TMX1: variants seen among roughly 807,000 people sequenced by gnomAD.
TMX1 encodes thioredoxin related transmembrane protein 1.
TMX1 carries 25 observed loss-of-function variants against 36.6 expected under a neutral mutation model. That is an observed-to-expected ratio of 0.68 (90% confidence interval 0.50 to 0.95). The LOEUF (loss-of-function observed/expected upper bound fraction) is 0.95. TMX1 is among the 40% of genes least tolerant of loss of function. TMX1 has a pLI of 0.00. For synonymous variants in TMX1, 133 were observed against 118.0 expected, an observed-to-expected ratio of 1.13 and a Z score of -0.82; for missense variants, 347 against 339.6, an observed-to-expected ratio of 1.02 and a Z score of -0.17.
In TMX1 at chr14:51,254,447, A is replaced by G. The variant is rs1293589794; in HGVS notation, c.771A>G (p.Thr257=). ...SEEEAESKEG[T]NKDFPQNAIR... ...AAGAAGCTGAAAGTAAAGAAGGAAC[A>G]AACAAAGACTTTCCACAGAATGCCA... The change falls in exon 8 of 8, where the codon ACA becomes ACG. Residue 257 remains threonine (T), a synonymous_variant. Coordinates refer to ENST00000457354, the MANE Select transcript of TMX1 (RefSeq NM_030755.5). The G allele has an allele frequency of 6.2e-7, 1 of 1,612,296 alleles. No homozygotes were observed. Among genetic ancestry groups the G allele is most frequent in the East Asian group, 2.2e-5 (1 of 44,724 alleles).
intron 3 of TMX1, chr14:51,245,696 G>T (rs553532084): frequency 8.2e-6 from 3 of 365,328 alleles, no homozygotes; most frequent in African/African-American, 6.3e-5. Context: ...CAGTTACCTG[G>T]ATTGGTTCCC....
intron 1 of TMX1, among the ~76,000 whole-genome samples, chr14:51,240,927 T>C (rs570227001): frequency 6.6e-6 from 1 of 152,330 alleles, no homozygotes; most frequent in East Asian, 1.9e-4. Flanking sequence ...TTTGGCGCTT[T>C]TAAGCTTTTT....
chr14:51,254,247 C>T (rs980065424), intron 7 of TMX1, 94 bp from the exon 8 acceptor site: 3 of 1,047,486 alleles, frequency 2.9e-6, no homozygotes, highest in East Asian at 2.9e-5. Flanking sequence ...TATGCCAAAG[C>T]AGTTTTGGGG....
Position 51,247,016 on chromosome 14 carries a change from T to G in TMX1, c.315-76T>G, listed in dbSNP as rs1049453306. 21 of 1,334,062 alleles carry G rather than the reference T, an allele frequency of 1.6e-5. No homozygotes were observed. The Middle Eastern group carries it at 3.0e-3, about 191-fold the overall frequency. 82.6% of individuals were successfully genotyped at this position (1,334,062 alleles called of 1,614,324 possible). ...TTGAATGTTAGAATTGACTGTAAAGTGAAGTGAAAAAATAGCAAAATAAAT... is the reference window on the plus strand; with the variant it reads ...TTGAATGTTAGAATTGACTGTAAAGGGAAGTGAAAAAATAGCAAAATAAAT... On this transcript the variant is annotated intron_variant, in intron 3 of 7. Coordinates refer to ENST00000457354, the MANE Select transcript of TMX1 (RefSeq NM_030755.5).
At position 51,257,415 on chromosome 14, in the gene TMX1, A is replaced by G. The variant is rs2065843476; in HGVS notation, c.*2896A>G. On this transcript the variant is annotated 3_prime_UTR_variant, in exon 8 of 8. Transcript: ENST00000457354. ...GTAGTTCATCCCCATGGTCAATTTAAGGTAGAGTTCTTACAATATATTACT... is the reference window on the plus strand; with the variant it reads ...GTAGTTCATCCCCATGGTCAATTTAGGGTAGAGTTCTTACAATATATTACT... 1 of 152,166 alleles carries G rather than the reference A, an allele frequency of 6.6e-6. No homozygotes were observed. The highest frequency in any genetic ancestry group is 1.9e-4 in the East Asian group (1 of 5,194). 9.4% of individuals were successfully genotyped at this position (152,166 alleles called of 1,614,324 possible). A position where few individuals can be genotyped will look rare whatever the true frequency, so the allele number is the denominator to read the frequency against.
At chr14:51,247,478 T>C (rs1165546452) in intron 4 of TMX1, among the ~76,000 whole-genome samples, 1 of 147,466 alleles carries the variant, frequency 6.8e-6, no homozygotes, top group African/African-American at 2.5e-5. Context: ...TGCCTCAGCC[T>C]CCCGAGTAGC....
intron 7 of TMX1, among the ~76,000 whole-genome samples, chr14:51,251,366 T>C (rs919068494): frequency 6.6e-5 from 10 of 152,240 alleles, no homozygotes; most frequent in Non-Finnish European, 1.5e-5. Context: ...TTGTATTAAA[T>C]GCCTTTTTGA....
chr14:51,252,662 C>T lies in TMX1; in HGVS notation c.665-1679C>T, dbSNP rs1366455577. 2.0e-5 allele frequency among the ~76,000 whole-genome samples: 3 copies of T among 152,068 alleles called. No homozygotes were observed. In the East Asian group the frequency reaches 5.8e-4, roughly 29 times the overall value. Reference sequence around the variant, plus strand: ...AGACTTTAAAGTGATATTGCCATGCCCCTTCCGTAATGGAACACATGATTT... The same window carrying T: ...AGACTTTAAAGTGATATTGCCATGCTCCTTCCGTAATGGAACACATGATTT... On this transcript the variant is annotated intron_variant, in intron 7 of 7. Transcript: ENST00000457354.
chr14:51,245,602 GGT>G, intron 3 of TMX1: 1 of 905,814 alleles, frequency 1.1e-6, no homozygotes, highest in Non-Finnish European at 1.6e-6. Flanking sequence ...CTTGTGAAAT[GGT>G]GTGATCCTGT....
intron 7 of TMX1, among the ~76,000 whole-genome samples, chr14:51,250,743 G>A (rs995824903): frequency 1.3e-5 from 2 of 152,074 alleles, no homozygotes; most frequent in South Asian, 2.1e-4. Flanking sequence ...CGCCAGCCTC[G>A]GCCTCCCAAA....
intron 1 of TMX1, among the ~76,000 whole-genome samples, chr14:51,241,880 A>C (rs2065763285): frequency 6.6e-6 from 1 of 152,252 alleles, no homozygotes; most frequent in Non-Finnish European, 1.5e-5. Flanking sequence ...CTGTAATCCC[A>C]GCACTTTGGG....
chr14:51,247,277 A>G (rs145116687), intron 4 of TMX1, 57 bp downstream of exon 4: 2 of 1,545,696 alleles, frequency 1.3e-6, no homozygotes, highest in Non-Finnish European at 1.7e-6. Flanking sequence ...ACAGATAATT[A>G]TATTTTATGT....
At chr14:51,247,352 A>ATTTT (rs35852707) in intron 4 of TMX1, 132 bp downstream of exon 4, 81 of 301,124 alleles carry the variant, frequency 2.7e-4, no homozygotes, top group South Asian at 5.6e-4. Flanking sequence ...TACATGTTTG[A>ATTTT]TTTTTTTTTT....
At position 51,240,338 on chromosome 14, in the gene TMX1, C is replaced by A; in HGVS notation, c.46C>A (p.Leu16Met). 1 of 1,613,810 alleles carries A rather than the reference C, an allele frequency of 6.2e-7. No homozygotes were observed. Among genetic ancestry groups the A allele is most frequent in the South Asian group, 1.1e-5 (1 of 91,078 alleles). The change falls in exon 1 of 8, where the codon CTG (leucine) becomes ATG (methionine). Residue 16 changes from leucine (L) to methionine (M), a missense_variant. By Grantham distance (15) the Leu-to-Met change is conservative. Transcript: ENST00000457354. Reference sequence around the variant, plus strand: ...TGCAGTTCCCCTGGCAGTCCTGGTGCTGTTGCTTTGGGGTGCTCCCTGGAC... The same window carrying A: ...TGCAGTTCCCCTGGCAGTCCTGGTGATGTTGCTTTGGGGTGCTCCCTGGAC... ...SLAVPLAVLVLLLWGAPWTHG... is the reference protein window; with the variant it reads ...SLAVPLAVLVMLLWGAPWTHG...
rs1336417326 is a variant in TMX1 at position 51,254,449 on chromosome 14, A to C, written c.773A>C (p.Asn258Thr). 1.9e-6 allele frequency: 3 copies of C among 1,612,190 alleles called. No homozygotes were observed. The highest frequency in any genetic ancestry group is 2.5e-6 in the Non-Finnish European group (3 of 1,179,350). Residue 258 changes from asparagine (N) to threonine (T), a missense_variant, in exon 8 of 8, where the codon AAC becomes ACC. Physicochemically the swap from Asn to Thr is moderately conservative, Grantham distance 65 (BLOSUM62 0). Coordinates refer to ENST00000457354, the MANE Select transcript of TMX1 (RefSeq NM_030755.5). ...EEEAESKEGTNKDFPQNAIRQ... is the reference protein window; with the variant it reads ...EEEAESKEGTTKDFPQNAIRQ... The stretch of plus-strand genomic sequence containing the variant: ...GAAGCTGAAAGTAAAGAAGGAACAA[A>C]CAAAGACTTTCCACAGAATGCCATA...
At chr14:51,250,158 G>A (rs2065804996) in intron 7 of TMX1, among the ~76,000 whole-genome samples, 1 of 152,164 alleles carries the variant, frequency 6.6e-6, no homozygotes, top group Non-Finnish European at 1.5e-5. Flanking sequence ...TTTTCTGGTA[G>A]GATATTGGGA....
chr14:51,249,788 A>AT (rs772217101), intron 7 of TMX1, 23 bp downstream of exon 7: 8 of 1,553,618 alleles, frequency 5.1e-6, no homozygotes, highest in African/African-American at 1.4e-5. Context: ...TAAAATGTTT[A>AT]TTTTTTATTC....
At chr14:51,247,281 T>C in intron 4 of TMX1, 61 bp downstream of exon 4, 1 of 1,550,136 alleles carries the variant, frequency 6.5e-7, no homozygotes, top group Non-Finnish European at 8.7e-7. Flanking sequence ...ATAATTATAT[T>C]TTATGTAAAG....
intron 1 of TMX1, 152 bp downstream of exon 1, chr14:51,240,596 A>C (rs1429349022): frequency 2.6e-6 from 3 of 1,170,608 alleles, no homozygotes; most frequent in South Asian, 1.6e-5. Context: ...AACTCTTGGG[A>C]TCTGCCGCCA....
Sources: allele counts gnomAD v4.1 joint callset (sites outside exome capture counted in the v4.1 genomes callset), GRCh38; gene constraint gnomAD v4.1.1; transcripts MANE v1.5; gene names NCBI Gene and HGNC (gene_info 2026-07-23, HGNC 2026-07-21).